The following FAM163B variants were observed in gnomAD, a reference collection of about 807,000 sequenced individuals.
The protein encoded by FAM163B is family with sequence similarity 163 member B.
A neutral mutation model predicts 7.6 loss-of-function variants in FAM163B; 4 were observed. The observed-to-expected ratio is 0.52, with a 90% CI of 0.26 to 1.20. FAM163B has a LOEUF of 1.20. Ranked by LOEUF, FAM163B falls within the 50% of genes most tolerant of loss-of-function variation. The pLI is 0.14. For synonymous variants in FAM163B, 120 were observed against 111.6 expected, an observed-to-expected ratio of 1.07 and a Z score of -0.47; for missense variants, 250 against 243.0, an observed-to-expected ratio of 1.03 and a Z score of -0.19.
intron 1 of FAM163B, among the ~76,000 whole-genome samples, chr9:133,587,101 G>A (rs968158015): frequency 6.6e-6 from 1 of 152,214 alleles, no homozygotes; most frequent in African/African-American, 2.4e-5. Context: ...TGGAAAAGCC[G>A]ACCGGACAGA....
chr9:133,595,867 C>T (rs529216865), intron 1 of FAM163B, among the ~76,000 whole-genome samples: 40 of 152,312 alleles, frequency 2.6e-4, no homozygotes, highest in Non-Finnish European at 4.7e-4. Flanking sequence ...GACAGGGGCT[C>T]GGTCTCTTTA....
chr9:133,586,483 G>C (rs1831440070), intron 1 of FAM163B, among the ~76,000 whole-genome samples: 1 of 152,196 alleles, frequency 6.6e-6, no homozygotes, highest in South Asian at 2.1e-4. Flanking sequence ...CCCCCAGAAA[G>C]AGCACAGGGA....
chr9:133,590,296 C>G (rs946203960), intron 1 of FAM163B, among the ~76,000 whole-genome samples: 6 of 150,060 alleles, frequency 4.0e-5, no homozygotes, highest in Non-Finnish European at 8.9e-5. Context: ...TTCTCTTCCT[C>G]GAACTGAGCC....
chr9:133,588,276 C>T (rs78585787), intron 1 of FAM163B, among the ~76,000 whole-genome samples: 65,952 of 151,906 alleles, frequency 0.43, 15,164 homozygotes, highest in East Asian at 0.9. Context: ...GCAGGCAGTG[C>T]CATGGGGGTC....
intron 1 of FAM163B, among the ~76,000 whole-genome samples, chr9:133,584,527 C>G (rs374179179): frequency 6.6e-6 from 1 of 152,192 alleles, no homozygotes; most frequent in Admixed American, 6.5e-5. Flanking sequence ...AGTGATAAGG[C>G]GAAAAAGCCA....
intron 1 of FAM163B, among the ~76,000 whole-genome samples, chr9:133,591,299 A>G (rs1350957991): frequency 2.0e-5 from 3 of 152,230 alleles, no homozygotes; most frequent in Non-Finnish European, 4.4e-5. Flanking sequence ...TACTTAGGCC[A>G]GGAACCAGGT....
intron 1 of FAM163B, among the ~76,000 whole-genome samples, 172 bp from the exon 2 acceptor site, chr9:133,580,418 C>T (rs1342848676): frequency 6.6e-6 from 1 of 152,244 alleles, no homozygotes; most frequent in Non-Finnish European, 1.5e-5. Context: ...CCAGGTCCTG[C>T]TCTGCCTCAG....
intron 1 of FAM163B, among the ~76,000 whole-genome samples, chr9:133,584,153 C>T (rs954248412): frequency 1.3e-5 from 2 of 152,066 alleles, no homozygotes; most frequent in Non-Finnish European, 2.9e-5. Flanking sequence ...AAACTTCAAA[C>T]GCCAGAGCTG....
chr9:133,599,802 T>C (rs1250604082), intron 1 of FAM163B, among the ~76,000 whole-genome samples: 2 of 150,744 alleles, frequency 1.3e-5, no homozygotes, highest in Non-Finnish European at 3.0e-5. Context: ...ATGTGATCTG[T>C]GTGCATGTGT....
intron 1 of FAM163B, among the ~76,000 whole-genome samples, chr9:133,581,389 T>C (rs1831353542): frequency 6.6e-6 from 1 of 152,170 alleles, no homozygotes; most frequent in Non-Finnish European, 1.5e-5. Flanking sequence ...TTTTTCTTGC[T>C]GGGGTATGGG....
intron 1 of FAM163B, 29 bp from the exon 2 acceptor site, chr9:133,580,275 A>C: frequency 2.6e-6 from 4 of 1,510,870 alleles, no homozygotes; most frequent in Non-Finnish European, 3.7e-6. Context: ...GCTTTAGAGC[A>C]TCACGCTTCC....
chr9:133,587,514 G>A (rs1253627310), intron 1 of FAM163B, among the ~76,000 whole-genome samples: 2 of 152,156 alleles, frequency 1.3e-5, no homozygotes, highest in Admixed American at 6.5e-5. Context: ...TCATGGGGCT[G>A]TGCCAAAGCC....
In FAM163B at chr9:133,601,748, G is replaced by C. The variant is rs1185705279; in HGVS notation, c.-24+7329C>G. Among the ~76,000 whole-genome samples, 3 of 152,182 alleles carry C rather than the reference G, an allele frequency of 2.0e-5. No individual in the cohort carries two copies. The East Asian group carries it at 5.8e-4, about 29-fold the overall frequency. On this transcript the variant is annotated intron_variant, in intron 1 of 2. Transcript: ENST00000673969. The surrounding 1 kb of genome is among the most constrained non-coding windows in gnomAD (Gnocchi z 4.1). ...CCTAATCATGGGGTGTCTTGGTCTG[G>C]GGGAGCCACAGCCACACAAAACCAC... is the stretch of plus-strand genomic sequence containing the variant.
intron 1 of FAM163B, among the ~76,000 whole-genome samples, chr9:133,605,972 G>C (rs1831784318): frequency 6.6e-6 from 1 of 152,142 alleles, no homozygotes; most frequent in African/African-American, 2.4e-5. Context: ...GTCCCTAAAG[G>C]GCAGAGCGAA....
chr9:133,608,090 G>C (rs542745483), intron 1 of FAM163B, among the ~76,000 whole-genome samples: 1 of 152,186 alleles, frequency 6.6e-6, no homozygotes, highest in Non-Finnish European at 1.5e-5. Flanking sequence ...AGTTGGCAGG[G>C]GCTGAGGGAA....
chr9:133,605,501 C>T (rs1482995572), intron 1 of FAM163B, among the ~76,000 whole-genome samples: 1 of 151,626 alleles, frequency 6.6e-6, no homozygotes, highest in Non-Finnish European at 1.5e-5. Context: ...CCTTCTTCCA[C>T]CTCTGCCACC....
At chr9:133,587,100 C>T (rs963648374) in intron 1 of FAM163B, among the ~76,000 whole-genome samples, 3 of 152,196 alleles carry the variant, frequency 2.0e-5, no homozygotes, top group Admixed American at 6.5e-5. Context: ...ATGGAAAAGC[C>T]GACCGGACAG....
chr9:133,596,406 C>T (rs1156560183), intron 1 of FAM163B, among the ~76,000 whole-genome samples: 3 of 37,740 alleles, frequency 7.9e-5, no homozygotes, highest in East Asian at 5.8e-4. Flanking sequence ...AACTGGTGGG[C>T]GGGGGCGGGG....
chr9:133,580,669 A>G (rs1355131620), intron 1 of FAM163B, among the ~76,000 whole-genome samples: 2 of 152,100 alleles, frequency 1.3e-5, no homozygotes, highest in Admixed American at 1.3e-4. Flanking sequence ...TTTTCATCTC[A>G]CACAGTCACC....
Sources: gnomAD v4.1 joint callset for allele counts (sites outside exome capture counted in the v4.1 genomes callset) on GRCh38, gnomAD v4.1.1 for gene constraint, Gnocchi (gnomAD v3.1) non-coding constraint, MANE v1.5 for transcripts, NCBI Gene and HGNC (gene_info 2026-07-23, HGNC 2026-07-21) for gene names.